Variants in MCF2L2 observed in about 807,000 individuals in gnomAD.
MCF2L2 encodes the protein probable guanine nucleotide exchange factor MCF2L2.
In MCF2L2, 102 loss-of-function variants were observed where a neutral mutation model predicts 150.2. That is an observed-to-expected ratio of 0.68 (90% CI 0.58 to 0.80). The LOEUF is 0.80. Ranked by LOEUF, MCF2L2 falls within the 30% of genes least tolerant of loss-of-function variation. The pLI is 0.00. For synonymous variants in MCF2L2, 465 were observed against 491.3 expected (o/e 0.95, Z 0.71); for missense variants, 1,256 against 1,372.8 (o/e 0.91, Z 1.34).
At chr3:183,289,261 A>G (rs372582802) in intron 13 of MCF2L2, 41 bp from the exon 14 acceptor site, 18 of 1,345,218 alleles carry the variant, frequency 1.3e-5, no homozygotes, top group Non-Finnish European at 1.9e-5. Flanking sequence ...TAACTTATAA[A>G]CTATAACTCA....
At chr3:183,266,293 G>A (rs187049736) in intron 15 of MCF2L2, among the ~76,000 whole-genome samples, 100 of 152,320 alleles carry the variant, frequency 6.6e-4, no homozygotes, top group Non-Finnish European at 8.5e-4. Flanking sequence ...GGAGCTTGCC[G>A]GGCACAGCTG....
intron 5 of MCF2L2, 52 bp downstream of exon 5, chr3:183,338,748 A>G (rs1730588468): frequency 6.5e-7 from 1 of 1,548,370 alleles, no homozygotes; most frequent in South Asian, 1.2e-5. Flanking sequence ...CCCAAATGCC[A>G]TCTTAGCCAG....
intron 25 of MCF2L2, 111 bp downstream of exon 25, chr3:183,205,765 A>G (rs1455974736): frequency 7.5e-5 from 57 of 763,660 alleles, no homozygotes; most frequent in Non-Finnish European, 1.2e-4. Flanking sequence ...ATGTGGCCAC[A>G]GTTGTTTTCC....
intron 15 of MCF2L2, chr3:183,272,341 G>C (rs1465561660): frequency 1.0e-6 from 1 of 999,888 alleles, no homozygotes; most frequent in African/African-American, 1.7e-5. Context: ...AAGAGTGACT[G>C]AACTCACTCT....
intron 3 of MCF2L2, 56 bp downstream of exon 3, chr3:183,379,241 G>A: frequency 7.7e-7 from 1 of 1,295,358 alleles, no homozygotes; most frequent in Non-Finnish European, 1.1e-6. Context: ...CCTGCCACAT[G>A]GGAAGTGTGG....
chr3:183,212,571 A>G (rs1375091414), intron 22 of MCF2L2, among the ~76,000 whole-genome samples: 2 of 152,206 alleles, frequency 1.3e-5, no homozygotes, highest in Admixed American at 6.5e-5. Context: ...GGCCAAATGA[A>G]GAGTCTGGCT....
At chr3:183,324,233 C>A (rs1487311847) in intron 5 of MCF2L2, among the ~76,000 whole-genome samples, 1 of 152,190 alleles carries the variant, frequency 6.6e-6, no homozygotes, top group East Asian at 1.9e-4. Flanking sequence ...GTTTTATAAG[C>A]TAGCAGTTCC....
chr3:183,200,016 A>G (rs1272105977), intron 25 of MCF2L2, among the ~76,000 whole-genome samples: 1 of 152,146 alleles, frequency 6.6e-6, no homozygotes, highest in Non-Finnish European at 1.5e-5. Context: ...TTCTTAATCC[A>G]GTCTATCATT....
In MCF2L2 at chr3:183,270,016, A is replaced by C; in HGVS notation, c.1862+6856T>G. The C allele has an allele frequency of 6.2e-7, 1 of 1,614,142 alleles. No homozygotes were observed. Among genetic ancestry groups the C allele is most frequent in the Non-Finnish European group, 8.5e-7 (1 of 1,180,042 alleles). ...AAGCACACCTCAGCGGGGCCTCGCT[A>C]CCAATACTTGATTAACCACAAGGAA... On this transcript the variant is annotated intron_variant, in intron 15 of 29. Coordinates refer to ENST00000328913, the MANE Select transcript of MCF2L2 (RefSeq NM_015078.4). This position sits in a 1 kb window ranked among gnomAD's most constrained non-coding sequence, Gnocchi z 4.5.
chr3:183,427,414 C>A (rs1716221885), intron 1 of MCF2L2, among the ~76,000 whole-genome samples: 1 of 152,210 alleles, frequency 6.6e-6, no homozygotes, highest in African/African-American at 2.4e-5. Flanking sequence ...GTAAAACAGG[C>A]CTAGCGGCCG....
At chr3:183,201,331 A>C (rs970729911) in intron 25 of MCF2L2, among the ~76,000 whole-genome samples, 1 of 152,132 alleles carries the variant, frequency 6.6e-6, no homozygotes, top group African/African-American at 2.4e-5. Context: ...CTCCTTGAAG[A>C]GGTCCTTCAC....
rs1025277702 is a variant in MCF2L2, at chr3:183,379,240, T to A, written c.275+57A>T. On this transcript the variant is annotated intron_variant, in intron 3 of 29. Transcript: ENST00000328913. The stretch of plus-strand genomic sequence containing the variant: ...TATGTCTCAACCCAGCCCTGCCACA[T>A]GGGAAGTGTGGAATAAAGCCAGTGC... The A allele has an allele frequency of 1.0e-5, 13 of 1,282,988 alleles. No individual in the cohort carries two copies. The African/African-American group carries it at 1.2e-4, about 12-fold the overall frequency. The allele number at this position is 1,282,988 out of a possible 1,614,324, so 79.5% of individuals were successfully genotyped here. A position where few individuals can be genotyped will look rare whatever the true frequency, so the allele number is the denominator to read the frequency against.
At chr3:183,321,050 T>C (rs894411563) in intron 6 of MCF2L2, among the ~76,000 whole-genome samples, 1 of 152,168 alleles carries the variant, frequency 6.6e-6, no homozygotes, top group Non-Finnish European at 1.5e-5. Context: ...CATATATCCA[T>C]TAAGTTCACT....
intron 15 of MCF2L2, among the ~76,000 whole-genome samples, chr3:183,262,934 G>C (rs1725756259): frequency 6.6e-6 from 1 of 152,072 alleles, no homozygotes; most frequent in African/African-American, 2.4e-5. Flanking sequence ...GAGGGCGCTG[G>C]GGTCTGGGGT....
At chr3:183,260,046 G>C (rs1021613093) in intron 15 of MCF2L2, among the ~76,000 whole-genome samples, 2 of 152,066 alleles carry the variant, frequency 1.3e-5, no homozygotes, top group Admixed American at 1.3e-4. Flanking sequence ...AGAACTGCAG[G>C]AACACCTGTG....
intron 3 of MCF2L2, among the ~76,000 whole-genome samples, chr3:183,356,296 C>T (rs900737764): frequency 6.6e-6 from 1 of 151,750 alleles, no homozygotes; most frequent in Admixed American, 6.6e-5. Context: ...AGGCTGATCA[C>T]GAGGTCAAGA....
At chr3:183,276,675 AC>A (rs890870163) in intron 15 of MCF2L2, 196 bp downstream of exon 15, 1 of 449,942 alleles carries the variant, frequency 2.2e-6, no homozygotes, top group Admixed American at 4.1e-5. Flanking sequence ...CTAAGATGTC[AC>A]TTTAAGCTCT....
At chr3:183,342,237 G>A (rs991342612) in intron 3 of MCF2L2, among the ~76,000 whole-genome samples, 1 of 152,148 alleles carries the variant, frequency 6.6e-6, no homozygotes, top group Non-Finnish European at 1.5e-5. Context: ...TTCGAAAGTA[G>A]AATTCTAAAA....
intron 15 of MCF2L2, among the ~76,000 whole-genome samples, chr3:183,262,562 T>C (rs1431275945): frequency 1.3e-5 from 2 of 152,044 alleles, no homozygotes; most frequent in East Asian, 1.9e-4. Flanking sequence ...CTCCCCCTAG[T>C]CCCGGCCCGA....
Sources: gnomAD v4.1 joint callset for allele counts (sites outside exome capture counted in the v4.1 genomes callset) on GRCh38, gnomAD v4.1.1 for gene constraint, Gnocchi (gnomAD v3.1) non-coding constraint, MANE v1.5 for transcripts, NCBI Gene and HGNC (gene_info 2026-07-23, HGNC 2026-07-21) for gene names.